Variants in STIP1 observed in about 807,000 individuals in gnomAD.
STIP1 encodes the protein stress induced phosphoprotein 1, also known as stress-induced-phosphoprotein 1.
In STIP1, 16 loss-of-function variants were observed where a neutral mutation model predicts 77.4. The ratio of observed to expected loss-of-function variants is 0.21; its 90% confidence interval spans 0.14 to 0.31. STIP1 has a LOEUF of 0.31. Ranked by LOEUF, STIP1 falls within the 10% of genes least tolerant of loss-of-function variation. STIP1 has a pLI of 1.00. For synonymous variants in STIP1, 258 were observed against 246.6 expected (o/e 1.05, Z -0.44); for missense variants, 524 against 684.8 (o/e 0.77, Z 2.62).
chr11:64,195,003 C>G (rs1452228511), intron 4 of STIP1, among the ~76,000 whole-genome samples: 1 of 152,342 alleles, frequency 6.6e-6, no homozygotes, highest in Non-Finnish European at 1.5e-5. Context: ...TATCAATCCT[C>G]TGGCTCCTGA....
chr11:64,186,342 G>A lies in STIP1; in HGVS notation c.9+72G>A, dbSNP rs1946016569. 3 of 1,281,604 alleles carry A rather than the reference G, an allele frequency of 2.3e-6. No individual in the cohort carries two copies. In the South Asian group the frequency reaches 4.5e-5, roughly 19 times the overall value. The allele number at this position is 1,281,604 out of a possible 1,614,324, so 79.4% of individuals were successfully genotyped here. The stretch of plus-strand genomic sequence containing the variant: ...GGCGGTGGCCAGGCCGCGGTAGGGG[G>A]GCGGGGCGGGCGCCGGATCCAGGAG... On this transcript the variant is annotated intron_variant, in intron 1 of 13. Coordinates refer to ENST00000305218, the MANE Select transcript of STIP1 (RefSeq NM_006819.3).
chr11:64,199,683 T>C (rs957838711), intron 8 of STIP1, among the ~76,000 whole-genome samples: 36 of 149,420 alleles, frequency 2.4e-4, no homozygotes, highest in African/African-American at 6.9e-4. Context: ...CCTGCCTCAG[T>C]CTCCCGAGTA....
At chr11:64,197,634 G>C (rs1271307590) in intron 7 of STIP1, 39 bp downstream of exon 7, 5 of 1,610,498 alleles carry the variant, frequency 3.1e-6, no homozygotes, top group Non-Finnish European at 4.2e-6. Flanking sequence ...GTAGCGCGGA[G>C]GGTTTGCTGT....
chr11:64,186,326 C>A, intron 1 of STIP1, 56 bp downstream of exon 1: 3 of 980,132 alleles, frequency 3.1e-6, no homozygotes, highest in South Asian at 2.6e-5. Flanking sequence ...CGGCGGTGGC[C>A]AGGCCGCGGT....
chr11:64,185,671 C>A, upstream of STIP1: 1 of 1,073,402 alleles, frequency 9.3e-7, no homozygotes. Flanking sequence ...GCCGGCGACA[C>A]AGCTACAGAC....
intron 8 of STIP1, among the ~76,000 whole-genome samples, chr11:64,198,753 G>GTTTTTTTTTTTTTTTTTTTTTTTT (rs371481270): frequency 1.8e-5 from 2 of 111,060 alleles, no homozygotes; most frequent in Non-Finnish European, 3.6e-5. Flanking sequence ...TTTTTTTGTG[G>GTTTTTTTTTTTTTTTTTTTTTTTT]TTTTTTTTTT....
chr11:64,202,825 T>G, intron 10 of STIP1, 51 bp from the exon 11 acceptor site: 16 of 1,610,618 alleles, frequency 9.9e-6, no homozygotes, highest in Admixed American at 1.7e-5. Context: ...TTGCCTGTAC[T>G]GAGCTTGTCC....
In STIP1 at chr11:64,201,163, C is replaced by T. The variant is rs139697958; in HGVS notation, c.1245+870C>T. Among the ~76,000 whole-genome samples, 61 of 152,252 alleles carry T rather than the reference C, an allele frequency of 4.0e-4. 1 individual carries two copies. In the East Asian group the frequency reaches 0.011, roughly 26 times the overall value. Reference sequence around the variant, plus strand: ...TAAACCATCCTCCCACCTCAGCCTCCTGAGTAGCTGGGACTACAGGTGTGC... The same window carrying T: ...TAAACCATCCTCCCACCTCAGCCTCTTGAGTAGCTGGGACTACAGGTGTGC... On this transcript the variant is annotated intron_variant, in intron 10 of 13. Coordinates refer to ENST00000305218, the MANE Select transcript of STIP1 (RefSeq NM_006819.3).
chr11:64,202,397 C>T lies in STIP1; in HGVS notation c.1246-479C>T, dbSNP rs536486608. On this transcript the variant is annotated intron_variant, in intron 10 of 13. Coordinates refer to ENST00000305218, the MANE Select transcript of STIP1 (RefSeq NM_006819.3). ...ATTACAGGTGCAGCCACCAGGCCAG[C>T]AAATTTTTTTTTTTTTTTTTTTTTT... is the stretch of plus-strand genomic sequence containing the variant. The T allele has an allele frequency of 3.3e-3, 433 of 132,198 alleles. 4 individuals are homozygous for T. The highest frequency in any genetic ancestry group is 0.031 in the South Asian group (126 of 4,014). The allele number at this position is 132,198 out of a possible 1,614,324, so 8.2% of individuals were successfully genotyped here.
At chr11:64,195,095 C>T (rs1946133964) in intron 4 of STIP1, among the ~76,000 whole-genome samples, 2 of 151,652 alleles carry the variant, frequency 1.3e-5, no homozygotes, top group African/African-American at 2.4e-5. Context: ...ACCTCTGTGA[C>T]TTCATTTTAT....
At chr11:64,203,388 C>A (rs1946243024) in intron 12 of STIP1, 62 bp from the exon 13 acceptor site, 1 of 1,604,818 alleles carries the variant, frequency 6.2e-7, no homozygotes, top group African/African-American at 1.3e-5. Flanking sequence ...TATCTTGGAC[C>A]TGCTGAAGCA....
At chr11:64,185,757 A>G (rs983053614), upstream of STIP1, 3 of 1,521,744 alleles carry the variant, frequency 2.0e-6, no homozygotes, top group Non-Finnish European at 1.8e-6. Flanking sequence ...GATTTAAACC[A>G]ATCAGCGCAA....
chr11:64,185,772 T>G (rs1028918283), upstream of STIP1: 5 of 1,529,456 alleles, frequency 3.3e-6, no homozygotes, highest in Non-Finnish European at 4.4e-6. Context: ...GCGCAAAGAG[T>G]TGGCAACCCT....
intron 8 of STIP1, among the ~76,000 whole-genome samples, chr11:64,198,752 G>GTT (rs1565281949): frequency 1.2e-4 from 11 of 91,868 alleles, no homozygotes; most frequent in Non-Finnish European, 2.4e-4. Flanking sequence ...TTTTTTTTGT[G>GTT]GTTTTTTTTT....
At chr11:64,202,775 G>T in intron 10 of STIP1, 101 bp from the exon 11 acceptor site, 2 of 1,317,256 alleles carry the variant, frequency 1.5e-6, no homozygotes, top group Middle Eastern at 3.7e-4. Flanking sequence ...TCTGTTTGGT[G>T]CTGGGTGAGG....
intron 8 of STIP1, among the ~76,000 whole-genome samples, chr11:64,198,637 A>G (rs1055656185): frequency 6.6e-6 from 1 of 151,704 alleles, no homozygotes; most frequent in African/African-American, 2.4e-5. Context: ...GTAAGCCACT[A>G]TGCCTGGCTG....
intron 1 of STIP1, among the ~76,000 whole-genome samples, chr11:64,187,652 C>T (rs769510712): frequency 1.3e-5 from 2 of 152,138 alleles, no homozygotes; most frequent in Non-Finnish European, 2.9e-5. Flanking sequence ...GTTAAATGGG[C>T]TGTAGTATAG....
In STIP1 at chr11:64,193,075, C is replaced by G; in HGVS notation, c.10-3C>G. 6.2e-7 allele frequency: 1 copy of G among 1,613,870 alleles called. No homozygotes were observed. The highest frequency in any genetic ancestry group is 8.5e-7 in the Non-Finnish European group (1 of 1,179,910). Reference sequence around the variant, plus strand: ...GAGAAGCTGTGTGTTCCTTTCCCCTCAGGTCAATGAGCTGAAGGAGAAAGG... The same window carrying G: ...GAGAAGCTGTGTGTTCCTTTCCCCTGAGGTCAATGAGCTGAAGGAGAAAGG... On this transcript the variant is annotated splice_region_variant and splice_polypyrimidine_tract_variant and intron_variant, in intron 1 of 13. Transcript: ENST00000305218.
intron 1 of STIP1, among the ~76,000 whole-genome samples, chr11:64,190,003 C>CTTTT (rs757338090): frequency 2.7e-5 from 4 of 146,386 alleles, no homozygotes; most frequent in African/African-American, 1.0e-4. Context: ...TCATTTCTCT[C>CTTTT]TTTTTTTTTT....
Sources: gnomAD v4.1 joint callset for allele counts (sites outside exome capture counted in the v4.1 genomes callset) on GRCh38, gnomAD v4.1.1 for gene constraint, MANE v1.5 for transcripts, NCBI Gene and HGNC (gene_info 2026-07-23, HGNC 2026-07-21) for gene names.